Variants in LIPC observed in about 807,000 individuals in gnomAD.
LIPC encodes the protein hepatic triacylglycerol lipase.
Under a neutral mutation model 50.7 loss-of-function variants are expected in LIPC, and 44 were observed. The observed-to-expected ratio is 0.87, with a 90% CI of 0.68 to 1.11. The LOEUF (loss-of-function observed/expected upper bound fraction) is 1.11. LIPC is among the 50% of genes most tolerant of loss of function. The probability of loss-of-function intolerance (pLI) is 0.00; values close to 1 mark genes in which losing one functional copy is unlikely to be tolerated. For synonymous variants in LIPC, 271 were observed against 256.4 expected, an observed-to-expected ratio of 1.06 and a Z score of -0.54; for missense variants, 697 against 648.2, an observed-to-expected ratio of 1.08 and a Z score of -0.82.
chr15:58,568,100 C>T (rs1348003331), intron 8 of LIPC, among the ~76,000 whole-genome samples: 1 of 152,092 alleles, frequency 6.6e-6, no homozygotes, highest in Non-Finnish European at 1.5e-5. Context: ...GAAATAATAA[C>T]ACAAAATGGT....
At chr15:58,526,670 T>A (rs1277534524) in intron 1 of LIPC, among the ~76,000 whole-genome samples, 1 of 152,226 alleles carries the variant, frequency 6.6e-6, no homozygotes, top group Non-Finnish European at 1.5e-5. Flanking sequence ...GCAAAGACCT[T>A]GGTGGATAAG....
intron 1 of LIPC, among the ~76,000 whole-genome samples, chr15:58,467,636 A>C (rs1894618019): frequency 6.6e-6 from 1 of 151,934 alleles, no homozygotes; most frequent in Admixed American, 6.6e-5. Context: ...TTTTCCTCCT[A>C]ATTAATGCCT....
chr15:58,533,993 G>A lies in LIPC; in HGVS notation c.89-4340G>A, dbSNP rs557091063. On this transcript the variant is annotated intron_variant, in intron 1 of 8. Coordinates refer to ENST00000299022, the MANE Select transcript of LIPC (RefSeq NM_000236.3). ...TACAGTAGGCCACTGGGCAGACAAA[G>A]GAGATCATTCTGAGCCTGAGTCCTC... Among the ~76,000 whole-genome samples the A allele has an allele frequency of 4.5e-3, 691 of 152,288 alleles. 3 individuals are homozygous for A. Among genetic ancestry groups the A allele is most frequent in the African/African-American group, 0.016 (674 of 41,558 alleles).
intron 1 of LIPC, among the ~76,000 whole-genome samples, chr15:58,508,549 C>A (rs1465625352): frequency 1.3e-5 from 2 of 152,178 alleles, no homozygotes; most frequent in African/African-American, 4.8e-5. Context: ...TATAGGCCGA[C>A]CCCCCTCCAT....
At chr15:58,543,844 A>T (rs1595937172) in intron 4 of LIPC, among the ~76,000 whole-genome samples, 1 of 151,772 alleles carries the variant, frequency 6.6e-6, no homozygotes, top group Non-Finnish European at 1.5e-5. Flanking sequence ...CTGGTCTCGA[A>T]CTCCCAACCT....
chr15:58,462,268 G>A (rs1894380890), intron 1 of LIPC, among the ~76,000 whole-genome samples: 1 of 152,266 alleles, frequency 6.6e-6, no homozygotes, highest in African/African-American at 2.4e-5. Flanking sequence ...GGCATATAGT[G>A]GATGCTGGAG....
chr15:58,535,941 C>T (rs1257571633), intron 1 of LIPC, among the ~76,000 whole-genome samples: 1 of 152,166 alleles, frequency 6.6e-6, no homozygotes, highest in African/African-American at 2.4e-5. Context: ...GAGTGCCAGC[C>T]TTTGATCCAA....
intron 1 of LIPC, among the ~76,000 whole-genome samples, chr15:58,470,703 C>A (rs533749088): frequency 6.6e-6 from 1 of 151,478 alleles, no homozygotes; most frequent in African/African-American, 2.4e-5. Flanking sequence ...GGGTGCACAC[C>A]ATTCTGCTGC....
chr15:58,435,676 G>GA, intron 1 of LIPC: 1 of 152,232 alleles, frequency 6.6e-6, no homozygotes, highest in Non-Finnish European at 1.5e-5. Context: ...TTGGGAGGCC[G>GA]AGGTGGGTGG....
At chr15:58,437,520 A>G (rs943544216) in intron 1 of LIPC, among the ~76,000 whole-genome samples, 3 of 152,320 alleles carry the variant, frequency 2.0e-5, no homozygotes, top group Middle Eastern at 3.4e-3. Context: ...TGGAGGATTT[A>G]AGTACTTAAA....
chr15:58,481,838 G>C (rs1479624554), intron 1 of LIPC, among the ~76,000 whole-genome samples: 2 of 152,258 alleles, frequency 1.3e-5, no homozygotes, highest in East Asian at 1.9e-4. Context: ...GTATGTACTT[G>C]TGTAGAATAT....
intron 1 of LIPC, among the ~76,000 whole-genome samples, chr15:58,515,245 C>T (rs1448533101): frequency 6.6e-6 from 1 of 152,128 alleles, no homozygotes; most frequent in Non-Finnish European, 1.5e-5. Context: ...TATAAGGTAA[C>T]ATATTCTAGG....
At chr15:58,567,263 A>ATG (rs1386215799) in intron 8 of LIPC, among the ~76,000 whole-genome samples, 1 of 30,960 alleles carries the variant, frequency 3.2e-5, no homozygotes, top group African/African-American at 8.4e-5. Context: ...ATATATATGT[A>ATG]TATGTGTGTG....
intron 1 of LIPC, among the ~76,000 whole-genome samples, chr15:58,459,141 A>G (rs946580862): frequency 1.3e-5 from 2 of 152,174 alleles, no homozygotes; most frequent in African/African-American, 2.4e-5. Context: ...TGGGACAAAA[A>G]CAGCTTTCAG....
At position 58,484,021 on chromosome 15, in the gene LIPC, T is replaced by C. The variant is rs77615487; in HGVS notation, c.88+51901T>C. Among the ~76,000 whole-genome samples the C allele has an allele frequency of 5.9e-3, 897 of 152,290 alleles. 7 individuals are homozygous for C. Among genetic ancestry groups the C allele is most frequent in the Middle Eastern group, 0.034 (10 of 294 alleles). The stretch of plus-strand genomic sequence containing the variant: ...GCTGTTTCAGAAAATGATGGAAATT[T>C]GGGGTGAATCTACCAACAGTGTTCA... On this transcript the variant is annotated intron_variant, in intron 1 of 8. Coordinates refer to ENST00000299022, the MANE Select transcript of LIPC (RefSeq NM_000236.3).
At position 58,499,620 on chromosome 15, in the gene LIPC, C is replaced by T. The variant is rs191875894; in HGVS notation, c.89-38713C>T. On this transcript the variant is annotated intron_variant, in intron 1 of 8. Transcript: ENST00000299022. ...GTTGATCCCAGTGGATCAACTCTTC[C>T]GCTCCGGTTTCTCTGAGCACCTAGG... Among the ~76,000 whole-genome samples the T allele has an allele frequency of 6.6e-5, 10 of 152,284 alleles. No individual in the cohort carries two copies. In the South Asian group the frequency reaches 1.5e-3, roughly 22 times the overall value.
intron 1 of LIPC, among the ~76,000 whole-genome samples, chr15:58,500,109 C>A (rs1316686335): frequency 1.3e-5 from 2 of 152,110 alleles, no homozygotes; most frequent in Admixed American, 1.3e-4. Context: ...ATCCCCACAT[C>A]CCTCAACAGT....
intron 1 of LIPC, among the ~76,000 whole-genome samples, chr15:58,476,098 T>C (rs1306074454): frequency 2.0e-5 from 3 of 152,242 alleles, no homozygotes; most frequent in African/African-American, 4.8e-5. Flanking sequence ...GCAGTCCTGT[T>C]TGTCCCCATT....
chr15:58,520,319 C>T (rs750014275), intron 1 of LIPC, among the ~76,000 whole-genome samples: 8 of 152,228 alleles, frequency 5.3e-5, no homozygotes, highest in Non-Finnish European at 8.8e-5. Context: ...CCTCTGCCAT[C>T]TCCTGTAGCA....
Sources: allele counts gnomAD v4.1 joint callset (sites outside exome capture counted in the v4.1 genomes callset), GRCh38; gene constraint gnomAD v4.1.1; transcripts MANE v1.5; gene names NCBI Gene and HGNC (gene_info 2026-07-23, HGNC 2026-07-21).